Variants in SLAMF8 observed in about 807,000 individuals in gnomAD.
SLAMF8 encodes B lymphocyte activator macrophage expressed.
SLAMF8 carries 23 observed loss-of-function variants against 29.0 expected under a neutral mutation model. That is an observed-to-expected ratio of 0.79 (90% CI 0.57 to 1.13). The LOEUF is 1.13. Ranked by LOEUF, SLAMF8 falls within the 50% of genes most tolerant of loss-of-function variation. The pLI, the probability that SLAMF8 is intolerant of heterozygous loss-of-function variation, is 0.00. For synonymous variants in SLAMF8, 139 were observed against 145.6 expected, an observed-to-expected ratio of 0.96 and a Z score of 0.32; for missense variants, 381 against 353.1, an observed-to-expected ratio of 1.08 and a Z score of -0.63.
chr1:159,827,931 T>TCAAGCGATTCTCCTGTCTC (rs1663729686), intron 1 of SLAMF8, among the ~76,000 whole-genome samples: 1 of 152,050 alleles, frequency 6.6e-6, no homozygotes, highest in Non-Finnish European at 1.5e-5. Flanking sequence ...CCTCCTGGGT[T>TCAAGCGATTCTCCTGTCTC]CAAGCGATTC....
chr1:159,836,029 G>T lies in SLAMF8; in HGVS notation c.*769G>T. 1 of 985,450 alleles carries T rather than the reference G, an allele frequency of 1.0e-6. No homozygotes were observed. The highest frequency in any genetic ancestry group is 1.2e-6 in the Non-Finnish European group (1 of 829,946). The allele number at this position is 985,450 out of a possible 1,614,324, so 61.0% of individuals were successfully genotyped here. A position where few individuals can be genotyped will look rare whatever the true frequency, so the allele number is the denominator to read the frequency against. On this transcript the variant is annotated 3_prime_UTR_variant, in exon 5 of 5. Coordinates refer to ENST00000289707, the MANE Select transcript of SLAMF8 (RefSeq NM_020125.3). Reference sequence around the variant, plus strand: ...TGCAGGATCTGGGAGTGAGGGTGGAGAGTCTTTCCTCACGCTCCAGCACAG... The same window carrying T: ...TGCAGGATCTGGGAGTGAGGGTGGATAGTCTTTCCTCACGCTCCAGCACAG...
chr1:159,833,429 G>A (rs2101796982), intron 4 of SLAMF8, 60 bp downstream of exon 4: 1 of 1,610,316 alleles, frequency 6.2e-7, no homozygotes, highest in Non-Finnish European at 8.5e-7. Context: ...GGGAGGAGGG[G>A]GTCTTGGACC....
intron 4 of SLAMF8, 118 bp from the exon 5 acceptor site, chr1:159,835,066 C>T (rs1647809501): frequency 5.7e-6 from 5 of 882,608 alleles, no homozygotes; most frequent in African/African-American, 1.7e-5. Flanking sequence ...GAGAAATGTT[C>T]CTTTACCTAA....
chr1:159,837,318 T>C lies in SLAMF8; in HGVS notation c.*2058T>C, dbSNP rs532826973. On this transcript the variant is annotated 3_prime_UTR_variant, in exon 5 of 5. Transcript: ENST00000289707. Reference sequence around the variant, plus strand: ...ACACAAAGTGCTTCTGTGAGACCAATTTTGTGCTAATGAGCATTGAGACTG... The same window carrying C: ...ACACAAAGTGCTTCTGTGAGACCAACTTTGTGCTAATGAGCATTGAGACTG... The C allele has an allele frequency of 1.0e-6, 1 of 985,242 alleles. No homozygotes were observed. The highest frequency in any genetic ancestry group is 1.1e-4 in the East Asian group (1 of 8,818). 61.0% of individuals were successfully genotyped at this position (985,242 alleles called of 1,614,324 possible).
chr1:159,831,489 C>T (rs750970356), intron 2 of SLAMF8, among the ~76,000 whole-genome samples: 8 of 151,422 alleles, frequency 5.3e-5, no homozygotes, highest in Non-Finnish European at 1.2e-4. Context: ...CCCCCCTTAG[C>T]CCAATGTCCT....
Position 159,837,121 on chromosome 1 carries a change from G to A in SLAMF8, c.*1861G>A. ...AGATCAAAGCAGCTCTGGATGAGAT[G>A]GGACCTGCAGCTCTCCCTCCACAAG... On this transcript the variant is annotated 3_prime_UTR_variant, in exon 5 of 5. Coordinates refer to ENST00000289707, the MANE Select transcript of SLAMF8 (RefSeq NM_020125.3). 1 of 985,418 alleles carries A rather than the reference G, an allele frequency of 1.0e-6. No individual in the cohort carries two copies. The allele number at this position is 985,418 out of a possible 1,614,324, so 61.0% of individuals were successfully genotyped here.
intron 1 of SLAMF8, among the ~76,000 whole-genome samples, chr1:159,828,998 C>T (rs757030629): frequency 3.9e-5 from 6 of 152,136 alleles, no homozygotes; most frequent in African/African-American, 7.2e-5. Context: ...ACCTGGGAGC[C>T]GTCCTCGACT....
chr1:159,827,806 G>A (rs999294973), intron 1 of SLAMF8, among the ~76,000 whole-genome samples: 3 of 151,796 alleles, frequency 2.0e-5, no homozygotes, highest in Non-Finnish European at 4.4e-5. Flanking sequence ...AAAAGGCCTT[G>A]GTCTGTTTGG....
At chr1:159,831,384 T>C (rs1647478083) in intron 2 of SLAMF8, among the ~76,000 whole-genome samples, 1 of 151,738 alleles carries the variant, frequency 6.6e-6, no homozygotes, top group African/African-American at 2.4e-5. Context: ...GCAAGGTGCC[T>C]TTCTGGATGC....
At chr1:159,827,509 C>T (rs531769453) in intron 1 of SLAMF8, among the ~76,000 whole-genome samples, 7 of 152,250 alleles carry the variant, frequency 4.6e-5, no homozygotes, top group African/African-American at 9.6e-5. Context: ...GGCTGATACA[C>T]GGGGTCTCCT....
In SLAMF8 at chr1:159,835,216, G is replaced by C; in HGVS notation, c.814G>C (p.Val272Leu). Residue 272 changes from valine (V) to leucine (L), a missense_variant, in exon 5 of 5, where the codon GTG becomes CTG. Transcript: ENST00000289707. ...KKKKDVHADRVGPETENPLVQ... is the reference protein window; with the variant it reads ...KKKKDVHADRLGPETENPLVQ... ...GAAAAAGGATGTCCATGCTGACAGAGTGGGTCCAGAGACAGAGAACCCCCT... is the reference window on the plus strand; with the variant it reads ...GAAAAAGGATGTCCATGCTGACAGACTGGGTCCAGAGACAGAGAACCCCCT... 6.2e-7 allele frequency: 1 copy of C among 1,614,126 alleles called. No homozygotes were observed. The highest frequency in any genetic ancestry group is 8.5e-7 in the Non-Finnish European group (1 of 1,180,002).
chr1:159,830,092 G>T lies in SLAMF8; in HGVS notation c.267G>T (p.Glu89Asp). 1 of 1,614,224 alleles carries T rather than the reference G, an allele frequency of 6.2e-7. No homozygotes were observed. ...AGCTACACAGCAACCTCAGCCTGGA[G>T]CTCGGGCCGCTGGAGTCTGGAGACA... ...RAQLHSNLSLELGPLESGDSG... is the reference protein window; with the variant it reads ...RAQLHSNLSLDLGPLESGDSG... Residue 89 changes from glutamate to aspartate, a missense_variant, in exon 2 of 5, where the codon GAG becomes GAT. Transcript: ENST00000289707.
chr1:159,832,418 GAT>G (rs1367695824), intron 2 of SLAMF8, among the ~76,000 whole-genome samples: 1 of 152,228 alleles, frequency 6.6e-6, no homozygotes, highest in African/African-American at 2.4e-5. Context: ...TACAAAAAGA[GAT>G]AGAGTGCTTG....
At chr1:159,828,587 GT>G (rs778487237) in intron 1 of SLAMF8, among the ~76,000 whole-genome samples, 217 of 152,308 alleles carry the variant, frequency 1.4e-3, no homozygotes, top group Non-Finnish European at 2.0e-3. Flanking sequence ...TTCTCCCACA[GT>G]CTGTTCTTAA....
In SLAMF8 at chr1:159,835,405, G is replaced by T. The variant is rs1647849795; in HGVS notation, c.*145G>T. 5 of 1,410,022 alleles carry T rather than the reference G, an allele frequency of 3.5e-6. No individual in the cohort carries two copies. Among genetic ancestry groups the T allele is most frequent in the Non-Finnish European group, 3.7e-6 (4 of 1,082,310 alleles). The allele number at this position is 1,410,022 out of a possible 1,614,324, so 87.3% of individuals were successfully genotyped here. A position where few individuals can be genotyped will look rare whatever the true frequency, so the allele number is the denominator to read the frequency against. On this transcript the variant is annotated 3_prime_UTR_variant, in exon 5 of 5. Transcript: ENST00000289707. Reference sequence around the variant, plus strand: ...GTCCTGCCTCGAAGGAGCAGCCTGGGCAGCCATCACACCACGAGGACAGGA... The same window carrying T: ...GTCCTGCCTCGAAGGAGCAGCCTGGTCAGCCATCACACCACGAGGACAGGA...
intron 1 of SLAMF8, among the ~76,000 whole-genome samples, chr1:159,828,690 G>A (rs1571131000): frequency 6.6e-6 from 1 of 152,158 alleles, no homozygotes. Context: ...AAGAATAGAG[G>A]GATAAGGGTA....
rs148009811 is a variant in SLAMF8, at chr1:159,830,096, G to C, written c.271G>C (p.Gly91Arg). ...QLHSNLSLEL[G>R]PLESGDSGNF... ...ACACAGCAACCTCAGCCTGGAGCTC[G>C]GGCCGCTGGAGTCTGGAGACAGCGG... The change falls in exon 2 of 5, where the codon GGG becomes CGG. Residue 91 changes from glycine (G) to arginine (R), a missense_variant. By Grantham distance (125) the Gly-to-Arg change is moderately radical (BLOSUM62 -2). Transcript: ENST00000289707. The C allele has an allele frequency of 3.1e-6, 5 of 1,614,156 alleles. No homozygotes were observed. In the Admixed American group the frequency reaches 6.7e-5, roughly 22 times the overall value.
chr1:159,828,287 AG>A (rs201948828), intron 1 of SLAMF8, among the ~76,000 whole-genome samples: 4,293 of 152,278 alleles, frequency 0.028, 216 homozygotes, highest in African/African-American at 0.098. Flanking sequence ...AGGAGCAGGT[AG>A]GAGCAGCTAG....
At position 159,837,110 on chromosome 1, in the gene SLAMF8, C is replaced by A; in HGVS notation, c.*1850C>A. On this transcript the variant is annotated 3_prime_UTR_variant, in exon 5 of 5. Transcript: ENST00000289707. The stretch of plus-strand genomic sequence containing the variant: ...GGCCCCACCTCAGATCAAAGCAGCT[C>A]TGGATGAGATGGGACCTGCAGCTCT... 1 of 985,456 alleles carries A rather than the reference C, an allele frequency of 1.0e-6. No homozygotes were observed. Among genetic ancestry groups the A allele is most frequent in the Non-Finnish European group, 1.2e-6 (1 of 829,968 alleles). 61.0% of individuals were successfully genotyped at this position (985,456 alleles called of 1,614,324 possible).
Sources: allele counts gnomAD v4.1 joint callset (sites outside exome capture counted in the v4.1 genomes callset), GRCh38; gene constraint gnomAD v4.1.1; transcripts MANE v1.5; gene names NCBI Gene and HGNC (gene_info 2026-07-23, HGNC 2026-07-21).